The following PCDH15 variants were observed in gnomAD, a reference collection of about 807,000 sequenced individuals.
The protein encoded by PCDH15 is protocadherin-15.
In PCDH15, 129 loss-of-function variants were observed where a neutral mutation model predicts 178.5. The observed-to-expected ratio is 0.72, with a 90% CI of 0.63 to 0.84. The LOEUF (loss-of-function observed/expected upper bound fraction) is 0.84, where lower values mean the gene tolerates loss of function less well. Among genes scored for constraint, PCDH15 ranks in the 40% least tolerant of loss-of-function variants. The pLI, the probability that PCDH15 is intolerant of heterozygous loss-of-function variation, is 0.00. For missense variants in PCDH15, 2,230 were observed against 2,099.9 expected (o/e 1.06, Z -1.21); for synonymous variants, 800 against 732.0 (o/e 1.09, Z -1.50).
intron 2 of PCDH15, among the ~76,000 whole-genome samples, chr10:55,508,659 T>C (rs1359036353): frequency 1.3e-5 from 2 of 151,934 alleles, no homozygotes; most frequent in East Asian, 3.9e-4. Flanking sequence ...AGTTGTGAGC[T>C]TTCTAAACTG....
intron 2 of PCDH15, among the ~76,000 whole-genome samples, chr10:55,125,164 TG>T (rs1591921533): frequency 2.6e-4 from 1 of 3,798 alleles, no homozygotes; most frequent in Non-Finnish European, 4.3e-3. Context: ...TTTTTTTAAT[TG>T]TGTGTGTGTG....
chr10:55,209,308 G>A (rs1840495684), intron 1 of PCDH15, among the ~76,000 whole-genome samples: 1 of 152,122 alleles, frequency 6.6e-6, no homozygotes, highest in Non-Finnish European at 1.5e-5. Context: ...TTTATTCTAA[G>A]AGCAATGAAA....
In PCDH15 at chr10:55,191,850, C is replaced by G. The variant is rs185300429; in HGVS notation, c.-155-25199G>C. Among the ~76,000 whole-genome samples, 202 of 151,890 alleles carry G rather than the reference C, an allele frequency of 1.3e-3. 2 individuals are homozygous for G. Among genetic ancestry groups the G allele is most frequent in the African/African-American group, 4.6e-3 (190 of 41,436 alleles). ...CCAAACAATTTTCATGAGATTCATA[C>G]GGCACTTTTTTTCTTTCTTGTTCTC... On this transcript the variant is annotated intron_variant, in intron 1 of 5. Transcript: ENST00000458638.
chr10:55,440,538 T>C (rs1839157785), intron 2 of PCDH15, among the ~76,000 whole-genome samples: 2 of 152,136 alleles, frequency 1.3e-5, no homozygotes. Flanking sequence ...CCAATAAATA[T>C]GCTGCTTCTT....
intron 8 of PCDH15, among the ~76,000 whole-genome samples, chr10:54,307,718 T>C (rs1046505288): frequency 1.3e-5 from 2 of 152,060 alleles, no homozygotes; most frequent in African/African-American, 2.4e-5. Flanking sequence ...TTTGAATAAA[T>C]AGATTGCATT....
chr10:54,308,597 A>G (rs1564926795), intron 8 of PCDH15, among the ~76,000 whole-genome samples: 1 of 152,076 alleles, frequency 6.6e-6, no homozygotes, highest in Admixed American at 6.6e-5. Flanking sequence ...TGATAAGGAG[A>G]ACCAAGGATT....
At chr10:55,173,167 T>C (rs1839385620) in intron 1 of PCDH15, among the ~76,000 whole-genome samples, 1 of 146,828 alleles carries the variant, frequency 6.8e-6, no homozygotes, top group Non-Finnish European at 1.5e-5. Context: ...TCCTTGCCAC[T>C]TTTTTTTTTA....
chr10:54,086,183 A>G (rs2094513824), intron 16 of PCDH15, among the ~76,000 whole-genome samples: 1 of 152,164 alleles, frequency 6.6e-6, no homozygotes, highest in Non-Finnish European at 1.5e-5. Flanking sequence ...AGGGGCTGAG[A>G]GTACTTCCAC....
At chr10:54,227,008 G>T (rs754095417) in intron 9 of PCDH15, among the ~76,000 whole-genome samples, 6 of 152,312 alleles carry the variant, frequency 3.9e-5, no homozygotes, top group Admixed American at 2.0e-4. Context: ...CCTCCTGGCT[G>T]CTTTCATGGG....
At chr10:54,743,535 G>T (rs528934567) in intron 1 of PCDH15, among the ~76,000 whole-genome samples, 1 of 152,006 alleles carries the variant, frequency 6.6e-6, no homozygotes, top group African/African-American at 2.4e-5. Context: ...ATGCAAACAG[G>T]AGTATTTCTT....
chr10:54,733,131 A>G (rs1217399059), intron 1 of PCDH15, among the ~76,000 whole-genome samples: 2 of 151,534 alleles, frequency 1.3e-5, no homozygotes, highest in Non-Finnish European at 3.0e-5. Context: ...TGGAACCTAG[A>G]CAGTAAAATA....
rs1840079530 is a variant in PCDH15 at position 55,012,820 on chromosome 10, T to TA, written c.-79-115321dup. Among the ~76,000 whole-genome samples, 9 of 152,058 alleles carry TA rather than the reference T, an allele frequency of 5.9e-5. No individual in the cohort carries two copies. The South Asian group carries it at 1.9e-3, about 32-fold the overall frequency. The stretch of plus-strand genomic sequence containing the variant: ...ATCTTTCCTCTTCAGAATCTCTCCT[T>TA]AAAAAAAGGTACCATAATGTTAACA... On this transcript the variant is annotated intron_variant, in intron 2 of 5. Coordinates refer to the PCDH15 transcript ENST00000458638.
chr10:55,164,461 G>C (rs751108242), intron 2 of PCDH15, among the ~76,000 whole-genome samples: 1 of 150,268 alleles, frequency 6.7e-6, no homozygotes, highest in Non-Finnish European at 1.5e-5. Flanking sequence ...GAATTTTAAA[G>C]ATATATAAGA....
chr10:53,821,485 A>AAAACT (rs2076267806), intron 32 of PCDH15: 1 of 1,022,388 alleles, frequency 9.8e-7, no homozygotes, highest in Admixed American at 5.1e-5. Context: ...ACATTCATAT[A>AAAACT]AAACTACGAT....
intron 2 of PCDH15, among the ~76,000 whole-genome samples, chr10:55,365,866 T>C (rs1025041216): frequency 2.0e-5 from 3 of 152,052 alleles, no homozygotes; most frequent in Admixed American, 6.6e-5. Flanking sequence ...CACTAGATGA[T>C]AGATTCATGA....
At chr10:54,366,703 T>C (rs1946863012) in intron 5 of PCDH15, among the ~76,000 whole-genome samples, 1 of 151,846 alleles carries the variant, frequency 6.6e-6, no homozygotes. Context: ...TATTTCAAGC[T>C]TTAAATGCAC....
At chr10:53,838,878 C>A (rs943030501) in intron 29 of PCDH15, among the ~76,000 whole-genome samples, 1 of 150,370 alleles carries the variant, frequency 6.7e-6, no homozygotes, top group African/African-American at 2.5e-5. Flanking sequence ...CGGTTAGTAT[C>A]CTGTTTTGCA....
chr10:55,072,890 C>G (rs1035809064), intron 2 of PCDH15, among the ~76,000 whole-genome samples: 3,248 of 150,574 alleles, frequency 0.022, 123 homozygotes, highest in African/African-American at 0.075. Context: ...CATCAAAAAG[C>G]TTATCCACCA....
chr10:55,011,188 A>T (rs554441435), intron 2 of PCDH15, among the ~76,000 whole-genome samples: 7 of 152,186 alleles, frequency 4.6e-5, no homozygotes, highest in Admixed American at 3.9e-4. Context: ...AAAAACATAT[A>T]ACTACACATA....
Sources: gnomAD v4.1 joint callset for allele counts (sites outside exome capture counted in the v4.1 genomes callset) on GRCh38, gnomAD v4.1.1 for gene constraint, MANE v1.5 for transcripts, NCBI Gene and HGNC (gene_info 2026-07-23, HGNC 2026-07-21) for gene names.